Variants in TENM2 observed in about 807,000 individuals in gnomAD.
TENM2 encodes teneurin-2.
Under a neutral mutation model 245.2 loss-of-function variants are expected in TENM2, and 52 were observed. That is an observed-to-expected ratio of 0.21 (90% confidence interval 0.17 to 0.27). The LOEUF (loss-of-function observed/expected upper bound fraction) is 0.27. Among genes scored for constraint, TENM2 ranks in the 10% least tolerant of loss-of-function variants. The probability of loss-of-function intolerance (pLI) is 1.00; values close to 1 mark genes in which losing one functional copy is unlikely to be tolerated. For synonymous variants in TENM2, 1,363 were observed against 1,438.9 expected (o/e 0.95, Z 1.19); for missense variants, 3,046 against 3,666.8 (o/e 0.83, Z 4.37).
chr5:167,326,546 G>A (rs149782301), intron 1 of TENM2, among the ~76,000 whole-genome samples: 46 of 151,888 alleles, frequency 3.0e-4, no homozygotes, highest in African/African-American at 1.0e-3. Context: ...GGTGGTGCAC[G>A]CGTGTAGTCC....
exon 8 of TENM2, chr5:168,090,636 A>G: frequency 1.2e-6 from 2 of 1,613,726 alleles, no homozygotes; most frequent in Non-Finnish European, 1.7e-6. Context: ...CTCCCAGGGA[A>G]CGCCGGAGCA....
chr5:167,833,558 A>G lies in TENM2; in HGVS notation c.503-42428A>G, dbSNP rs77833126. 8.6e-3 allele frequency among the ~76,000 whole-genome samples: 1,309 copies of G among 152,346 alleles called. 19 individuals are homozygous for G. Among genetic ancestry groups the G allele is most frequent in the African/African-American group, 0.03 (1,251 of 41,584 alleles). On this transcript the variant is annotated intron_variant, in intron 2 of 28. Coordinates refer to ENST00000518659, the Ensembl canonical transcript of TENM2. ...CTCCAAAGCTTATCTCCTCATGCTC[A>G]TTGGTTGACCCGAACCTTATCGCAG...
chr5:167,580,410 T>C (rs894226108), intron 2 of TENM2, among the ~76,000 whole-genome samples: 1 of 152,230 alleles, frequency 6.6e-6, no homozygotes, highest in African/African-American at 2.4e-5. Flanking sequence ...GAGAACAGCA[T>C]ATATGGGTTT....
At chr5:167,210,995 T>C in the TENM2 span, among the ~76,000 whole-genome samples, 1 of 151,932 alleles carries the variant, frequency 6.6e-6, no homozygotes, top group Non-Finnish European at 1.5e-5. Context: ...CTGTGGGAAG[T>C]GATGGACGCA....
Position 168,191,358 on chromosome 5 carries a change from G to A in TENM2, c.2780+811G>A, listed in dbSNP as rs182725069. ...CACTACGTATGATTCTGAGGGTAGA[G>A]AGGAGGGGTAGGAGAGGCTGGGGGT... is the stretch of plus-strand genomic sequence containing the variant. On this transcript the variant is annotated intron_variant, in intron 14 of 28. Transcript: ENST00000518659. Among the ~76,000 whole-genome samples the A allele has an allele frequency of 1.6e-4, 24 of 152,312 alleles. No individual in the cohort carries two copies. In the East Asian group the frequency reaches 3.9e-3, roughly 24 times the overall value.
At chr5:168,191,844 A>G (rs1161649895) in intron 14 of TENM2, among the ~76,000 whole-genome samples, 1 of 151,914 alleles carries the variant, frequency 6.6e-6, no homozygotes, top group Non-Finnish European at 1.5e-5. Flanking sequence ...TGGGGAAGGA[A>G]TGGGTGTCAG....
At chr5:167,837,107 T>A (rs1769074780) in intron 2 of TENM2, among the ~76,000 whole-genome samples, 1 of 151,756 alleles carries the variant, frequency 6.6e-6, no homozygotes, top group Non-Finnish European at 1.5e-5. Flanking sequence ...CAGAGATATA[T>A]CTGGATAGTG....
intron 2 of TENM2, among the ~76,000 whole-genome samples, chr5:167,602,109 A>G (rs1285987663): frequency 6.6e-6 from 1 of 152,046 alleles, no homozygotes; most frequent in Non-Finnish European, 1.5e-5. Context: ...TGATCATTAA[A>G]GTTGCTGTCG....
chr5:167,301,776 G>A (rs981236276), intron 1 of TENM2, among the ~76,000 whole-genome samples: 1 of 152,078 alleles, frequency 6.6e-6, no homozygotes, highest in African/African-American at 2.4e-5. Context: ...GGAAAAAGGA[G>A]CATTAACCTT....
At chr5:167,089,361 A>T in the TENM2 span, among the ~76,000 whole-genome samples, 2 of 152,206 alleles carry the variant, frequency 1.3e-5, no homozygotes. Context: ...ATGCTGTACT[A>T]ATATTTAAGC....
chr5:167,268,204 A>T, the TENM2 span, among the ~76,000 whole-genome samples: 8 of 152,326 alleles, frequency 5.3e-5, no homozygotes, highest in East Asian at 3.9e-4. Flanking sequence ...TGCTTCTAAT[A>T]TTCACTGACA....
intron 2 of TENM2, among the ~76,000 whole-genome samples, chr5:167,583,970 C>A (rs1449614586): frequency 1.3e-5 from 2 of 152,146 alleles, no homozygotes; most frequent in East Asian, 1.9e-4. Flanking sequence ...AAGTTTTTCT[C>A]GACTACTCCT....
chr5:167,827,862 T>C (rs945840295), intron 2 of TENM2, among the ~76,000 whole-genome samples: 6 of 152,112 alleles, frequency 3.9e-5, no homozygotes, highest in Non-Finnish European at 8.8e-5. Context: ...GAACTTACCA[T>C]GGAATCCCTC....
chr5:167,918,510 G>A (rs757771538), intron 3 of TENM2, among the ~76,000 whole-genome samples: 10 of 152,190 alleles, frequency 6.6e-5, no homozygotes, highest in African/African-American at 2.2e-4. Flanking sequence ...AGCTGAGCCC[G>A]CAGTTTGATT....
chr5:167,712,202 A>T (rs1177974861), intron 2 of TENM2, among the ~76,000 whole-genome samples: 1 of 152,192 alleles, frequency 6.6e-6, no homozygotes, highest in Non-Finnish European at 1.5e-5. Flanking sequence ...TGGATAAAAA[A>T]TAAGTTTAAT....
At chr5:167,024,499 G>T in the TENM2 span, among the ~76,000 whole-genome samples, 2 of 152,136 alleles carry the variant, frequency 1.3e-5, no homozygotes, top group Non-Finnish European at 2.9e-5. Flanking sequence ...GAAAAATGGA[G>T]ATGGGAATGA....
At chr5:167,284,463 C>A (rs1305472237), upstream of TENM2, among the ~76,000 whole-genome samples, 2 of 152,126 alleles carry the variant, frequency 1.3e-5, no homozygotes, top group African/African-American at 4.8e-5. Context: ...ACAGTAAGAT[C>A]TTGCATTAGA....
At chr5:167,346,092 T>C (rs1758440100) in intron 1 of TENM2, among the ~76,000 whole-genome samples, 1 of 152,178 alleles carries the variant, frequency 6.6e-6, no homozygotes, top group East Asian at 1.9e-4. Context: ...GTCCGCCAAA[T>C]AGCAAGTTAC....
At chr5:167,368,519 T>G (rs1031535302) in intron 1 of TENM2, among the ~76,000 whole-genome samples, 3 of 152,192 alleles carry the variant, frequency 2.0e-5, no homozygotes, top group Non-Finnish European at 4.4e-5. Context: ...GAGATTTTCT[T>G]GGTACGCGAT....
Sources: gnomAD v4.1 joint callset for allele counts (sites outside exome capture counted in the v4.1 genomes callset) on GRCh38, gnomAD v4.1.1 for gene constraint, MANE v1.5 for transcripts, NCBI Gene and HGNC (gene_info 2026-07-23, HGNC 2026-07-21) for gene names.